ECHDC1: variants seen among roughly 807,000 people sequenced by gnomAD.
The protein encoded by ECHDC1 is ethylmalonyl-CoA decarboxylase 1, also known as ethylmalonyl-CoA decarboxylase.
A neutral mutation model predicts 29.7 loss-of-function variants in ECHDC1; 29 were observed. The observed-to-expected ratio is 0.98, with a 90% CI of 0.73 to 1.33. The LOEUF (loss-of-function observed/expected upper bound fraction) is 1.33, where lower values mean the gene tolerates loss of function less well. Among genes scored for constraint, ECHDC1 ranks in the 40% most tolerant of loss-of-function variants. ECHDC1 has a pLI of 0.00. For missense variants in ECHDC1, 328 were observed against 350.0 expected, an observed-to-expected ratio of 0.94 and a Z score of 0.50; for synonymous variants, 126 against 123.1, an observed-to-expected ratio of 1.02 and a Z score of -0.15.
intron 1 of ECHDC1, among the ~76,000 whole-genome samples, chr6:127,332,033 A>T (rs1344468985): frequency 6.6e-6 from 1 of 152,196 alleles, no homozygotes; most frequent in Non-Finnish European, 1.5e-5. Flanking sequence ...ATTATATGCA[A>T]AAAAGTATAT....
chr6:127,331,133 G>T, intron 1 of ECHDC1, 103 bp from the exon 2 acceptor site: 1 of 802,086 alleles, frequency 1.2e-6, no homozygotes. Context: ...CTGTTGAGTT[G>T]GGAATACTTC....
Position 127,319,275 on chromosome 6 carries a change from C to G in ECHDC1, c.364-2773G>C, listed in dbSNP as rs527888512. Reference sequence around the variant, plus strand: ...TTTGACTTTGCCCAAGCTGCTTAACCTCTCTGTCCTACAGTCTCTTATCTG... The same window carrying G: ...TTTGACTTTGCCCAAGCTGCTTAACGTCTCTGTCCTACAGTCTCTTATCTG... On this transcript the variant is annotated intron_variant, in intron 3 of 5. Transcript: ENST00000454859. Among the ~76,000 whole-genome samples the G allele has an allele frequency of 3.3e-5, 5 of 152,300 alleles. No homozygotes were observed. In the South Asian group the frequency reaches 1.0e-3, roughly 32 times the overall value.
intron 5 of ECHDC1, among the ~76,000 whole-genome samples, chr6:127,307,901 G>A (rs1781580566): frequency 6.6e-6 from 1 of 151,864 alleles, no homozygotes; most frequent in South Asian, 2.1e-4. Context: ...TAGAAGAAAT[G>A]GACAAATTCC....
intron 5 of ECHDC1, among the ~76,000 whole-genome samples, chr6:127,290,885 G>A (rs968243109): frequency 6.6e-6 from 1 of 152,054 alleles, no homozygotes; most frequent in African/African-American, 2.4e-5. Context: ...AAAAGAAAAT[G>A]AGGCAGGAGA....
At chr6:127,327,225 A>G (rs781668990) in intron 2 of ECHDC1, 81 bp from the exon 3 acceptor site, 1 of 1,476,740 alleles carries the variant, frequency 6.8e-7, no homozygotes, top group Non-Finnish European at 9.2e-7. Flanking sequence ...CACAAGTGTC[A>G]AGCATACTCT....
At chr6:127,313,065 G>C (rs1782073355) in intron 5 of ECHDC1, 1 of 152,364 alleles carries the variant, frequency 6.6e-6, no homozygotes, top group Non-Finnish European at 1.5e-5. Context: ...AAAACATATA[G>C]ATAGGGGTGA....
chr6:127,334,587 T>A (rs1021961316), intron 1 of ECHDC1, among the ~76,000 whole-genome samples: 6 of 152,130 alleles, frequency 3.9e-5, no homozygotes, highest in South Asian at 4.1e-4. Flanking sequence ...AAGCTTTTTT[T>A]AAATTCTTAC....
intron 5 of ECHDC1, among the ~76,000 whole-genome samples, chr6:127,299,011 G>T (rs1376575501): frequency 1.3e-5 from 2 of 151,026 alleles, no homozygotes; most frequent in Admixed American, 6.6e-5. Context: ...TCAGGAATGG[G>T]ACTACAGGCG....
rs921075570 is a variant in ECHDC1 at position 127,292,256 on chromosome 6, T to C, written c.498-1979A>G. Among the ~76,000 whole-genome samples, 4 of 152,074 alleles carry C rather than the reference T, an allele frequency of 2.6e-5. No homozygotes were observed. In the East Asian group the frequency reaches 7.7e-4, roughly 29 times the overall value. ...GTCCTAGATGTTGGAATAATGTAGATGAGCTTATGACAACAAAAGTTATTA... is the reference window on the plus strand; with the variant it reads ...GTCCTAGATGTTGGAATAATGTAGACGAGCTTATGACAACAAAAGTTATTA... On this transcript the variant is annotated intron_variant, in intron 5 of 5. Transcript: ENST00000454859.
At chr6:127,315,118 T>A (rs767534232) in intron 4 of ECHDC1, 2 of 670,252 alleles carry the variant, frequency 3.0e-6, no homozygotes, top group African/African-American at 3.5e-5. Context: ...AAATGCCACA[T>A]AAGTTCATTA....
chr6:127,338,260 G>T (rs753042739), intron 1 of ECHDC1, among the ~76,000 whole-genome samples: 1 of 152,104 alleles, frequency 6.6e-6, no homozygotes, highest in Non-Finnish European at 1.5e-5. Flanking sequence ...CAGAGAGAAA[G>T]CATCTTTAAA....
At chr6:127,313,568 T>C in intron 5 of ECHDC1, 1 of 456,142 alleles carries the variant, frequency 2.2e-6, no homozygotes, top group South Asian at 1.5e-5. Context: ...CAGCGCAGAA[T>C]CACTTTCTCT....
chr6:127,297,767 G>A (rs1177732922), intron 5 of ECHDC1, among the ~76,000 whole-genome samples: 4 of 152,144 alleles, frequency 2.6e-5, no homozygotes, highest in African/African-American at 9.7e-5. Flanking sequence ...CAGAGATAAG[G>A]AGAGTTACAC....
chr6:127,311,707 A>AAAG (rs1781943403), intron 5 of ECHDC1, among the ~76,000 whole-genome samples: 2 of 88,954 alleles, frequency 2.2e-5, no homozygotes, highest in African/African-American at 4.8e-5. Context: ...AAGAAAAGAA[A>AAAG]AAAGAAAGAA....
chr6:127,300,378 A>G (rs939975819), intron 5 of ECHDC1, among the ~76,000 whole-genome samples: 3 of 152,354 alleles, frequency 2.0e-5, no homozygotes, highest in Admixed American at 1.3e-4. Flanking sequence ...GTTACCATAC[A>G]TGGCAAAAGA....
At chr6:127,291,577 G>C (rs1275865336) in intron 5 of ECHDC1, among the ~76,000 whole-genome samples, 2 of 152,078 alleles carry the variant, frequency 1.3e-5, no homozygotes, top group African/African-American at 2.4e-5. Context: ...AAAGCTACAC[G>C]ATTTAGCTTT....
In ECHDC1 at chr6:127,343,325, C is replaced by A. The variant is rs138570227; in HGVS notation, c.-3+11G>T. Reference sequence around the variant, plus strand: ...ACTGAAGCGCTAAGACCAACCCTTACGACCACTTACCGTCGCAGGCCACGG... The same window carrying A: ...ACTGAAGCGCTAAGACCAACCCTTAAGACCACTTACCGTCGCAGGCCACGG... On this transcript the variant is annotated intron_variant, in intron 1 of 5. Transcript: ENST00000454859. 2.7e-3 allele frequency: 412 copies of A among 152,640 alleles called. 2 individuals carry two copies. Among genetic ancestry groups the A allele is most frequent in the South Asian group, 0.013 (61 of 4,828 alleles). The allele number at this position is 152,640 out of a possible 1,614,324, so 9.5% of individuals were successfully genotyped here. A position where few individuals can be genotyped will look rare whatever the true frequency, so the allele number is the denominator to read the frequency against.
At chr6:127,307,940 TAGGA>T (rs1781582977) in intron 5 of ECHDC1, among the ~76,000 whole-genome samples, 1 of 151,470 alleles carries the variant, frequency 6.6e-6, no homozygotes, top group African/African-American at 2.4e-5. Context: ...CAAGATTGAG[TAGGA>T]AGAAATTCAA....
intron 1 of ECHDC1, among the ~76,000 whole-genome samples, chr6:127,336,181 C>G (rs9491735): frequency 0.016 from 2,439 of 152,140 alleles, 43 homozygotes; most frequent in Middle Eastern, 0.055. Context: ...GATGTTCTCA[C>G]CACCTAATTT....
Sources: allele counts gnomAD v4.1 joint callset (sites outside exome capture counted in the v4.1 genomes callset), GRCh38; gene constraint gnomAD v4.1.1; transcripts MANE v1.5; gene names NCBI Gene and HGNC (gene_info 2026-07-23, HGNC 2026-07-21).